Variants in EPC1 observed in about 807,000 individuals in gnomAD.
EPC1 encodes enhancer of polycomb homolog 1.
Under a neutral mutation model 98.4 loss-of-function variants are expected in EPC1, and 12 were observed. The ratio of observed to expected loss-of-function variants is 0.12; its 90% CI spans 0.08 to 0.20. EPC1 has a LOEUF of 0.20. Ranked by LOEUF, EPC1 falls within the 10% of genes least tolerant of loss-of-function variation. EPC1 has a pLI of 1.00. For missense variants in EPC1, 729 were observed against 990.5 expected (o/e 0.74, Z 3.54); for synonymous variants, 357 against 363.9 (o/e 0.98, Z 0.21).
At chr10:32,320,443 A>T (rs1836837391) in intron 1 of EPC1, among the ~76,000 whole-genome samples, 1 of 152,202 alleles carries the variant, frequency 6.6e-6, no homozygotes. Context: ...GAGTTCTGTG[A>T]TTAAATAATT....
chr10:32,344,717 C>T (rs1838636839), intron 1 of EPC1, among the ~76,000 whole-genome samples: 3 of 152,128 alleles, frequency 2.0e-5, no homozygotes, highest in Admixed American at 2.0e-4. Flanking sequence ...ACTCGGGAGG[C>T]GGAGGGTTGT....
chr10:32,299,915 G>GT (rs1251836442), intron 2 of EPC1, among the ~76,000 whole-genome samples: 579 of 146,884 alleles, frequency 3.9e-3, no homozygotes, highest in African/African-American at 0.014. Context: ...GCAAAAATGA[G>GT]TTTTTTTTTT....
At chr10:32,275,723 C>T (rs189178246) in intron 10 of EPC1, among the ~76,000 whole-genome samples, 338 of 151,020 alleles carry the variant, frequency 2.2e-3, no homozygotes, top group African/African-American at 7.9e-3. Flanking sequence ...TGCAGTGAGC[C>T]GAGATCGCGT....
At chr10:32,343,119 TCA>T (rs1838476895) in intron 1 of EPC1, among the ~76,000 whole-genome samples, 1 of 121,940 alleles carries the variant, frequency 8.2e-6, no homozygotes, top group South Asian at 2.7e-4. Flanking sequence ...CTCAATTATC[TCA>T]GAGCTGAAAG....
intron 1 of EPC1, among the ~76,000 whole-genome samples, chr10:32,329,960 C>G (rs536128201): frequency 7.2e-5 from 11 of 152,256 alleles, no homozygotes; most frequent in Admixed American, 2.0e-4. Context: ...AACCAACCCA[C>G]AGGGGAATGG....
At chr10:32,292,889 T>C (rs530104796) in intron 4 of EPC1, 99 bp downstream of exon 4, 2 of 844,658 alleles carry the variant, frequency 2.4e-6, no homozygotes, top group African/African-American at 1.8e-5. Context: ...AATTGGAAAG[T>C]CATATTTGAA....
At chr10:32,325,897 A>G (rs536735254) in intron 1 of EPC1, among the ~76,000 whole-genome samples, 5 of 152,302 alleles carry the variant, frequency 3.3e-5, no homozygotes, top group Admixed American at 6.5e-5. Context: ...CAGTCTGACA[A>G]TATCAACTAC....
chr10:32,295,781 A>ACAAT (rs1835117213), intron 2 of EPC1, among the ~76,000 whole-genome samples: 1 of 152,224 alleles, frequency 6.6e-6, no homozygotes, highest in East Asian at 1.9e-4. Flanking sequence ...TTCAAGTACT[A>ACAAT]CAATAGCTAT....
chr10:32,273,401 A>G (rs1417848204), intron 10 of EPC1, 120 bp from the exon 11 acceptor site: 2 of 1,265,080 alleles, frequency 1.6e-6, no homozygotes, highest in Non-Finnish European at 2.1e-6. Flanking sequence ...ACAAAGGATC[A>G]TGATCCTGCT....
At chr10:32,278,371 G>T (rs139917428) in intron 10 of EPC1, among the ~76,000 whole-genome samples, 72 of 102,546 alleles carry the variant, frequency 7.0e-4, no homozygotes, top group Admixed American at 9.5e-4. Flanking sequence ...GTTTTTTTTT[G>T]TTTTTTTTTT....
In EPC1 at chr10:32,272,053, C is replaced by T. The variant is rs1172354142; in HGVS notation, c.1978G>A (p.Gly660Arg). The change falls in exon 12 of 14, where the codon GGG becomes AGG. Residue 660 changes from glycine (G) to arginine (R), a missense_variant. Transcript: ENST00000319778. The stretch of plus-strand genomic sequence containing the variant: ...GAGGCTGGAAGGACGCCATTCACCC[C>T]GATTCCAAGCACCACATCATCCTTC... Reference protein sequence around the residue: ...KMKDDVVLGIGVNGVLPASGV... With the variant: ...KMKDDVVLGIRVNGVLPASGV... 6.8e-6 allele frequency: 11 copies of T among 1,613,462 alleles called. No individual in the cohort carries two copies. The highest frequency in any genetic ancestry group is 4.4e-5 in the South Asian group (4 of 90,954).
chr10:32,284,631 C>T (rs896100427), intron 10 of EPC1, 67 bp downstream of exon 10: 39 of 1,322,068 alleles, frequency 2.9e-5, no homozygotes, highest in Non-Finnish European at 4.0e-5. Flanking sequence ...ACCACATAGT[C>T]GAACAAATGG....
At chr10:32,286,549 C>G in intron 9 of EPC1, 145 bp downstream of exon 9, 2 of 998,692 alleles carry the variant, frequency 2.0e-6, no homozygotes, top group South Asian at 3.7e-5. Context: ...AGCACAGCAA[C>G]AAAAATATTT....
chr10:32,302,543 G>A (rs996594318), intron 2 of EPC1, among the ~76,000 whole-genome samples: 7 of 151,938 alleles, frequency 4.6e-5, no homozygotes, highest in Admixed American at 3.3e-4. Flanking sequence ...CCAGCTACTC[G>A]GGAGGCTGAA....
chr10:32,367,489 T>G (rs1839633902), intron 1 of EPC1, among the ~76,000 whole-genome samples: 1 of 152,182 alleles, frequency 6.6e-6, no homozygotes, highest in Non-Finnish European at 1.5e-5. Flanking sequence ...TCCAGAAAAT[T>G]TCATAATCAT....
chr10:32,356,960 G>A (rs1592635267), intron 1 of EPC1, among the ~76,000 whole-genome samples: 1 of 152,098 alleles, frequency 6.6e-6, no homozygotes, highest in African/African-American at 2.4e-5. Flanking sequence ...CAGCCTGGGC[G>A]AGGGAGCGAG....
At chr10:32,345,053 T>C (rs1426452415) in intron 1 of EPC1, 2 of 755,462 alleles carry the variant, frequency 2.6e-6, no homozygotes, top group African/African-American at 3.8e-5. Flanking sequence ...AACACCCCAA[T>C]ACTTGAAAGT....
rs1035824944 is a variant in EPC1, at chr10:32,332,243, T to C, written c.153+14520A>G. Among the ~76,000 whole-genome samples the C allele has an allele frequency of 1.5e-4, 23 of 152,068 alleles. 1 individual carries two copies. The South Asian group carries it at 1.9e-3, about 12-fold the overall frequency. On this transcript the variant is annotated intron_variant, in intron 1 of 13. Transcript: ENST00000319778. ...ACAGCAAACAGGTTTGTTGAACAGA[T>C]AGAGGAAAGGAAAAGCATTTGGGGT...
intron 2 of EPC1, among the ~76,000 whole-genome samples, chr10:32,296,217 G>T (rs1268336990): frequency 6.6e-6 from 1 of 152,002 alleles, no homozygotes; most frequent in Non-Finnish European, 1.5e-5. Context: ...TTACAGTCGT[G>T]AGCCACCGCG....
Sources: gnomAD v4.1 joint callset for allele counts (sites outside exome capture counted in the v4.1 genomes callset) on GRCh38, gnomAD v4.1.1 for gene constraint, MANE v1.5 for transcripts, NCBI Gene and HGNC (gene_info 2026-07-23, HGNC 2026-07-21) for gene names.